The following ADGRD1 variants were observed in gnomAD, a reference collection of about 807,000 sequenced individuals.
ADGRD1 encodes adhesion G protein-coupled receptor D1.
A neutral mutation model predicts 113.4 loss-of-function variants in ADGRD1; 77 were observed. The observed-to-expected ratio is 0.68, with a 90% CI of 0.57 to 0.82. The LOEUF (loss-of-function observed/expected upper bound fraction) is 0.82. Ranked by LOEUF, ADGRD1 falls within the 40% of genes least tolerant of loss-of-function variation. The pLI, the probability that ADGRD1 is intolerant of heterozygous loss-of-function variation, is 0.00. For missense variants in ADGRD1, 1,036 were observed against 1,139.1 expected, an observed-to-expected ratio of 0.91 and a Z score of 1.30; for synonymous variants, 474 against 475.0, an observed-to-expected ratio of 1.00 and a Z score of 0.03.
At chr12:131,065,654 G>T (rs1884667554) in intron 13 of ADGRD1, among the ~76,000 whole-genome samples, 1 of 152,296 alleles carries the variant, frequency 6.6e-6, no homozygotes, top group South Asian at 2.1e-4. Context: ...TGATGGGAGG[G>T]AGGGGGTCAG....
chr12:131,116,846 C>G (rs922270494), intron 18 of ADGRD1, among the ~76,000 whole-genome samples: 4 of 152,236 alleles, frequency 2.6e-5, no homozygotes, highest in Non-Finnish European at 4.4e-5. Flanking sequence ...GGTGGCTGCA[C>G]TAGAGCAGGC....
intron 8 of ADGRD1, among the ~76,000 whole-genome samples, chr12:130,992,999 C>T (rs1040800706): frequency 2.0e-5 from 3 of 152,100 alleles, no homozygotes; most frequent in African/African-American, 4.8e-5. Flanking sequence ...ATTGGCTCAC[C>T]TTGAAAGCAC....
intron 19 of ADGRD1, among the ~76,000 whole-genome samples, chr12:131,118,845 G>A (rs1374683335): frequency 6.6e-6 from 1 of 152,222 alleles, no homozygotes; most frequent in African/African-American, 2.4e-5. Flanking sequence ...CGTGTGCCCA[G>A]TAACTCACAG....
Position 131,054,371 on chromosome 12 carries a change from T to A in ADGRD1, c.1474-22430T>A, listed in dbSNP as rs534305127. Among the ~76,000 whole-genome samples, 9 of 152,356 alleles carry A rather than the reference T, an allele frequency of 5.9e-5. 1 individual carries two copies. In the South Asian group the frequency reaches 1.9e-3, roughly 32 times the overall value. On this transcript the variant is annotated intron_variant, in intron 13 of 24. Transcript: ENST00000261654. ...ATCTGCATTTTCTAGAACTTTTGTA[T>A]GATGGAATTGTATAGTATGTACTCT... is the stretch of plus-strand genomic sequence containing the variant.
At chr12:130,972,166 A>T (rs1871742667) in intron 4 of ADGRD1, among the ~76,000 whole-genome samples, 1 of 152,212 alleles carries the variant, frequency 6.6e-6, no homozygotes, top group Admixed American at 6.5e-5. Flanking sequence ...TACCGTGTGA[A>T]GTGTAACCTG....
intron 12 of ADGRD1, among the ~76,000 whole-genome samples, chr12:131,013,654 G>C (rs1878203343): frequency 1.3e-5 from 2 of 152,176 alleles, no homozygotes; most frequent in African/African-American, 2.4e-5. Flanking sequence ...GGAAGGGGAT[G>C]GCCACCTAGA....
chr12:131,046,548 C>T (rs1387308995), intron 13 of ADGRD1, among the ~76,000 whole-genome samples: 2 of 141,452 alleles, frequency 1.4e-5, no homozygotes, highest in Admixed American at 6.8e-5. Flanking sequence ...TCAGTGCCCC[C>T]TCCCTGGCCA....
intron 13 of ADGRD1, among the ~76,000 whole-genome samples, chr12:131,033,491 T>C (rs928262853): frequency 8.5e-5 from 13 of 152,214 alleles, no homozygotes; most frequent in Non-Finnish European, 1.5e-4. Flanking sequence ...CTTATGTCTT[T>C]TCGGAGCCCC....
chr12:131,080,739 G>A (rs1566091075), intron 14 of ADGRD1, among the ~76,000 whole-genome samples: 3 of 152,160 alleles, frequency 2.0e-5, no homozygotes, highest in Non-Finnish European at 4.4e-5. Context: ...TCCTGCCTCA[G>A]CCTCCCGAGT....
chr12:131,106,004 G>T, intron 17 of ADGRD1, 139 bp downstream of exon 17: 1 of 663,090 alleles, frequency 1.5e-6, no homozygotes, highest in East Asian at 2.7e-5. Context: ...TGGTTTTCTC[G>T]GGGGAAGCAG....
intron 13 of ADGRD1, among the ~76,000 whole-genome samples, chr12:131,066,180 A>G (rs1013150641): frequency 1.3e-5 from 2 of 152,220 alleles, no homozygotes; most frequent in African/African-American, 2.4e-5. Context: ...AGGAGCCACA[A>G]TAGGATTGTG....
intron 13 of ADGRD1, among the ~76,000 whole-genome samples, chr12:131,021,620 C>A (rs1407861214): frequency 6.6e-6 from 1 of 152,154 alleles, no homozygotes; most frequent in Non-Finnish European, 1.5e-5. Flanking sequence ...TTTGGTTTCT[C>A]CCAAGGCCTC....
intron 15 of ADGRD1, among the ~76,000 whole-genome samples, chr12:131,085,061 G>T (rs1886362186): frequency 6.6e-6 from 1 of 152,248 alleles, no homozygotes; most frequent in African/African-American, 2.4e-5. Context: ...TCCTGCTCTT[G>T]AGGAGTTTGT....
rs546035219 is a variant in ADGRD1 at position 131,084,988 on chromosome 12, C to T, written c.1671+325C>T. On this transcript the variant is annotated intron_variant, in intron 15 of 24. Transcript: ENST00000261654. The surrounding 1 kb of genome is among the most constrained non-coding windows in gnomAD (Gnocchi z 4.5). ...TCCATCTGTCCCTCTGGCAGATTCT[C>T]ACTGGGCGCCTGCTGGGAGCCGGGC... Among the ~76,000 whole-genome samples the T allele has an allele frequency of 6.6e-6, 1 of 152,362 alleles. No individual in the cohort carries two copies. Among genetic ancestry groups the T allele is most frequent in the African/African-American group, 2.4e-5 (1 of 41,590 alleles).
intron 3 of ADGRD1, chr12:130,969,460 C>A (rs949335966): frequency 1.5e-5 from 3 of 196,822 alleles, no homozygotes; most frequent in African/African-American, 4.7e-5. Context: ...GCATTAAATT[C>A]TCTTGGGAGC....
rs745931883 is a variant in ADGRD1, at chr12:131,139,196, C to T, written c.2558C>T (p.Ser853Phe). The change falls in exon 25 of 25, where the codon TCC becomes TTC. Residue 853 changes from serine (S) to phenylalanine (F), a missense_variant. Transcript: ENST00000261654. The stretch of plus-strand genomic sequence containing the variant: ...AATGGGACCCGGCCAGGCATGGCCT[C>T]CACCAAGCTCAGCCCTTGGGACAAG... ...LMNGTRPGMA[S>F]TKLSPWDKSS... 6.2e-7 allele frequency: 1 copy of T among 1,613,178 alleles called. No homozygotes were observed. The highest frequency in any genetic ancestry group is 8.5e-7 in the Non-Finnish European group (1 of 1,179,890).
At chr12:130,982,946 G>T (rs1003430411) in intron 5 of ADGRD1, among the ~76,000 whole-genome samples, 1 of 152,174 alleles carries the variant, frequency 6.6e-6, no homozygotes, top group African/African-American at 2.4e-5. Context: ...AGCCTAGGAT[G>T]ATCTCCTCCG....
At chr12:131,135,013 A>G (rs1249959859) in intron 21 of ADGRD1, among the ~76,000 whole-genome samples, 1 of 152,224 alleles carries the variant, frequency 6.6e-6, no homozygotes, top group Admixed American at 6.5e-5. Flanking sequence ...GAACTCCGCT[A>G]GTCTCTAGAC....
chr12:130,955,447 A>C (rs1869441043), intron 2 of ADGRD1, among the ~76,000 whole-genome samples: 1 of 152,172 alleles, frequency 6.6e-6, no homozygotes, highest in Non-Finnish European at 1.5e-5. Flanking sequence ...TGTGACACCC[A>C]ACCAGGAAGC....
Sources: gnomAD v4.1 joint callset for allele counts (sites outside exome capture counted in the v4.1 genomes callset) on GRCh38, gnomAD v4.1.1 for gene constraint, Gnocchi (gnomAD v3.1) non-coding constraint, MANE v1.5 for transcripts, NCBI Gene and HGNC (gene_info 2026-07-23, HGNC 2026-07-21) for gene names.